ATG3: variants seen among roughly 807,000 people sequenced by gnomAD.
ATG3 encodes the protein autophagy related 3, also known as ubiquitin-like-conjugating enzyme ATG3.
ATG3 carries 25 observed loss-of-function variants against 50.7 expected under a neutral mutation model. The observed-to-expected ratio is 0.49, with a 90% CI of 0.36 to 0.69. The LOEUF is 0.69. Among genes scored for constraint, ATG3 ranks in the 30% least tolerant of loss-of-function variants. The pLI is 0.00. For missense variants in ATG3, 281 were observed against 376.0 expected (o/e 0.75, Z 2.09); for synonymous variants, 119 against 125.5 (o/e 0.95, Z 0.34).
chr3:112,534,242 AC>A lies in ATG3; in HGVS notation c.863+26del, dbSNP rs1470778363. 4 of 1,594,522 alleles carry A rather than the reference AC, an allele frequency of 2.5e-6. No individual in the cohort carries two copies. The Admixed American group carries it at 7.0e-5, about 28-fold the overall frequency. ...AAAAATCGTTAACAGCCATTTTGCC[AC>A]TAATCTTACATACAGGGAAGGATAC... On this transcript the variant is annotated intron_variant, in intron 11 of 11. Coordinates refer to ENST00000283290, the MANE Select transcript of ATG3 (RefSeq NM_022488.5).
At chr3:112,533,039 G>C in intron 11 of ATG3, 1 of 1,095,628 alleles carries the variant, frequency 9.1e-7, no homozygotes, top group Non-Finnish European at 1.1e-6. Flanking sequence ...CAATTACTTT[G>C]ACATAAAAAG....
At chr3:112,552,121 G>T (rs1212954475) in intron 3 of ATG3, among the ~76,000 whole-genome samples, 1 of 152,064 alleles carries the variant, frequency 6.6e-6, no homozygotes, top group Non-Finnish European at 1.5e-5. Flanking sequence ...CCTATCCCCA[G>T]TCAAAACTGT....
chr3:112,561,874 C>T lies in ATG3; in HGVS notation c.-346G>A, dbSNP rs1046845667. The T allele has an allele frequency of 2.5e-5, 7 of 285,680 alleles. No individual in the cohort carries two copies. The highest frequency in any genetic ancestry group is 4.6e-5 in the Non-Finnish European group (7 of 151,672). 17.7% of individuals were successfully genotyped at this position (285,680 alleles called of 1,614,324 possible). On this transcript the variant is annotated 5_prime_UTR_variant, in exon 1 of 12. Transcript: ENST00000283290. ...TCGCCCTCTGCGAGCTGTCTGTCCT[C>T]GCTTTGCTTCACTCGCGCCCCTTCC...
At chr3:112,542,118 G>C (rs556488573) in intron 6 of ATG3, among the ~76,000 whole-genome samples, 24 of 138,628 alleles carry the variant, frequency 1.7e-4, no homozygotes, top group Admixed American at 7.0e-4. Flanking sequence ...AGCAGTAAGA[G>C]TCATCTAAGC....
At chr3:112,559,648 T>C (rs1280434219) in intron 1 of ATG3, among the ~76,000 whole-genome samples, 1 of 152,230 alleles carries the variant, frequency 6.6e-6, no homozygotes, top group East Asian at 1.9e-4. Context: ...ATAAGGCTGT[T>C]AAGTGCGAAG....
intron 5 of ATG3, among the ~76,000 whole-genome samples, chr3:112,546,021 A>AG (rs1281148720): frequency 3.3e-5 from 5 of 151,970 alleles, no homozygotes; most frequent in Non-Finnish European, 7.4e-5. Flanking sequence ...TTCAGCCTCC[A>AG]GAACGCTTTA....
intron 2 of ATG3, among the ~76,000 whole-genome samples, chr3:112,557,197 G>A (rs565322823): frequency 1.2e-4 from 18 of 151,434 alleles, no homozygotes; most frequent in Non-Finnish European, 1.9e-4. Flanking sequence ...GACTACAGGC[G>A]CCCACCATCA....
intron 10 of ATG3, 57 bp downstream of exon 10, chr3:112,536,417 TA>T: frequency 6.3e-7 from 1 of 1,586,520 alleles, no homozygotes; most frequent in Non-Finnish European, 8.6e-7. Flanking sequence ...TCTCAAGTAA[TA>T]AATCCATGAA....
chr3:112,536,839 T>G, intron 9 of ATG3: 1 of 245,810 alleles, frequency 4.1e-6, no homozygotes, highest in Admixed American at 5.4e-5. Flanking sequence ...GAGAATGGCG[T>G]AAACCCGGGA....
At chr3:112,538,558 G>C (rs1416525256) in intron 7 of ATG3, among the ~76,000 whole-genome samples, 2 of 152,154 alleles carry the variant, frequency 1.3e-5, no homozygotes, top group African/African-American at 4.8e-5. Context: ...CTTCTCCTTG[G>C]AACATACTTT....
chr3:112,549,798 C>CAAAA (rs71631400), intron 4 of ATG3, among the ~76,000 whole-genome samples: 2 of 116,782 alleles, frequency 1.7e-5, no homozygotes, highest in African/African-American at 3.6e-5. Context: ...TCAAAACAAC[C>CAAAA]AAAAAAAAAA....
chr3:112,546,840 C>T (rs1363501000), intron 5 of ATG3, among the ~76,000 whole-genome samples: 1 of 151,966 alleles, frequency 6.6e-6, no homozygotes, highest in Admixed American at 6.5e-5. Flanking sequence ...CTCAGTGGGG[C>T]GGGGGGAAAG....
rs887324409 is a variant in ATG3 at position 112,557,307 on chromosome 3, G to A, written c.114+1069C>T. ...CTCCTAAAGTGTTGGGATTACAGGC[G>A]TGAGCCACCACGCCCAGCACAGAAA... is the stretch of plus-strand genomic sequence containing the variant. On this transcript the variant is annotated intron_variant, in intron 2 of 11. Coordinates refer to ENST00000283290, the MANE Select transcript of ATG3 (RefSeq NM_022488.5). Among the ~76,000 whole-genome samples the A allele has an allele frequency of 2.0e-4, 31 of 152,048 alleles. 1 individual carries two copies. The highest frequency in any genetic ancestry group is 6.0e-4 in the African/African-American group (25 of 41,414).
intron 9 of ATG3, 152 bp downstream of exon 9, chr3:112,537,576 TAAGAAAG>T (rs532846921): frequency 3.9e-6 from 2 of 509,950 alleles, no homozygotes; most frequent in Admixed American, 7.8e-5. Context: ...TCATTCAAAA[TAAGAAAG>T]AATCAAGTTC....
chr3:112,534,499 A>G, intron 10 of ATG3, 162 bp from the exon 11 acceptor site: 2 of 396,914 alleles, frequency 5.0e-6, no homozygotes, highest in Non-Finnish European at 8.7e-6. Context: ...CAATAACTAT[A>G]AAATATTTAT....
At chr3:112,536,736 A>G (rs1408143966) in intron 9 of ATG3, 134 bp from the exon 10 acceptor site, 4 of 832,248 alleles carry the variant, frequency 4.8e-6, no homozygotes, top group Non-Finnish European at 7.2e-6. Flanking sequence ...CCTGGCTAAC[A>G]TGGTGAAACA....
chr3:112,550,760 T>C (rs991736789), intron 3 of ATG3, among the ~76,000 whole-genome samples: 1 of 152,192 alleles, frequency 6.6e-6, no homozygotes, highest in South Asian at 2.1e-4. Context: ...AATTAAGAGA[T>C]AAAAGATGCT....
chr3:112,554,401 T>C (rs562198985), intron 2 of ATG3, among the ~76,000 whole-genome samples: 6 of 152,370 alleles, frequency 3.9e-5, no homozygotes, highest in South Asian at 2.1e-4. Flanking sequence ...AGAAGGTTCT[T>C]TGTAATTCTC....
At chr3:112,533,232 G>T in intron 11 of ATG3, 2 of 985,094 alleles carry the variant, frequency 2.0e-6, no homozygotes, top group African/African-American at 3.5e-5. Flanking sequence ...GTATGTATTT[G>T]CCAAAGACTG....
Sources: gnomAD v4.1 joint callset for allele counts (sites outside exome capture counted in the v4.1 genomes callset) on GRCh38, gnomAD v4.1.1 for gene constraint, MANE v1.5 for transcripts, NCBI Gene and HGNC (gene_info 2026-07-23, HGNC 2026-07-21) for gene names.